PPP1R18: variants seen among roughly 807,000 people sequenced by gnomAD.
PPP1R18 encodes the protein protein phosphatase 1 regulatory subunit 18.
In PPP1R18, 31 loss-of-function variants were observed where a neutral mutation model predicts 54.8. The observed-to-expected ratio is 0.57, with a 90% CI of 0.43 to 0.76. The LOEUF (loss-of-function observed/expected upper bound fraction) is 0.76, where lower values mean the gene tolerates loss of function less well. PPP1R18 is among the 30% of genes least tolerant of loss of function. The pLI is 0.00. For synonymous variants in PPP1R18, 310 were observed against 320.2 expected (o/e 0.97, Z 0.34); for missense variants, 685 against 776.1 (o/e 0.88, Z 1.39).
At chr6:30,678,240 T>C (rs1297181986) in intron 2 of PPP1R18, among the ~76,000 whole-genome samples, 1 of 147,802 alleles carries the variant, frequency 6.8e-6, no homozygotes, top group Non-Finnish European at 1.5e-5. Context: ...AGGTCTTCCT[T>C]TGTTGCCCAG....
chr6:30,678,158 G>A (rs1233035331), intron 2 of PPP1R18, among the ~76,000 whole-genome samples: 2 of 151,946 alleles, frequency 1.3e-5, no homozygotes, highest in African/African-American at 2.4e-5. Flanking sequence ...TGATCCACCT[G>A]CCTCGGCCTC....
At chr6:30,682,878 C>T (rs936680119) in intron 1 of PPP1R18, among the ~76,000 whole-genome samples, 2 of 152,142 alleles carry the variant, frequency 1.3e-5, no homozygotes, top group African/African-American at 4.8e-5. Flanking sequence ...TTCATGCTTC[C>T]CTCTGCTCAT....
intron 2 of PPP1R18, among the ~76,000 whole-genome samples, 171 bp from the exon 3 acceptor site, chr6:30,677,459 G>A (rs772881009): frequency 7.9e-5 from 12 of 151,932 alleles, no homozygotes; most frequent in Non-Finnish European, 1.6e-4. Flanking sequence ...CATTTAGCTC[G>A]GACTCTGTGC....
rs1770381570 is a variant in PPP1R18, at chr6:30,679,190, G to T, written c.1811C>A (p.Ala604Asp). The T allele has an allele frequency of 6.3e-7, 1 of 1,593,188 alleles. No individual in the cohort carries two copies. Among genetic ancestry groups the T allele is most frequent in the Non-Finnish European group, 8.5e-7 (1 of 1,174,578 alleles). Residue 604 changes from alanine to aspartate, a missense_variant, in exon 2 of 3, where the codon GCC becomes GAC. By Grantham distance (126) the Ala-to-Asp change is moderately radical. Transcript: ENST00000274853. ...GAGCCTCCGCTTACCCACAATCAGG[G>T]CCTTGGTGCGCAGCCCGCCCTGGAG... ...PELQGGLRTK[A>D]LIVDESCRR
At position 30,684,906 on chromosome 6, in the gene PPP1R18, C is replaced by G; in HGVS notation, c.1113G>C (p.Val371=). Reference sequence around the variant, plus strand: ...TCTCAGCCTCCCCTTCTCCAGCCTCCACACCGGGAGATTCCAGAAGCTTCT... The same window carrying G: ...TCTCAGCCTCCCCTTCTCCAGCCTCGACACCGGGAGATTCCAGAAGCTTCT... ...SAEKLLESPG[V]EAGEGEAEKE... Residue 371 remains valine, a synonymous_variant, in exon 1 of 3, where the codon GTG becomes GTC. Coordinates refer to ENST00000274853, the MANE Select transcript of PPP1R18 (RefSeq NM_133471.4). The surrounding 1 kb of genome is among the most constrained non-coding windows in gnomAD (Gnocchi z 6.0). 1.2e-6 allele frequency: 2 copies of G among 1,613,036 alleles called. No homozygotes were observed. Among genetic ancestry groups the G allele is most frequent in the Middle Eastern group, 3.3e-4 (2 of 6,062 alleles).
rs377611604 is a variant in PPP1R18 at position 30,685,985 on chromosome 6, G to A, written c.34C>T (p.Leu12=). Residue 12 remains leucine, a synonymous_variant, in exon 1 of 3, where the codon CTA becomes TTA. Transcript: ENST00000274853. The surrounding 1 kb of genome is among the most constrained non-coding windows in gnomAD (Gnocchi z 5.0). The part of the protein sequence containing the change: ...ATIPDWKLQL[L]ARRRQEEASV... ...GCCTCCTCCTGCCGGCGCCGGGCTA[G>A]CAGCTGTAGCTTCCAGTCTGGGATG... 5.0e-6 allele frequency: 8 copies of A among 1,589,372 alleles called. No individual in the cohort carries two copies. The highest frequency in any genetic ancestry group is 6.8e-6 in the Non-Finnish European group (8 of 1,173,232).
At chr6:30,682,724 G>A (rs1258837084) in intron 1 of PPP1R18, among the ~76,000 whole-genome samples, 3 of 150,078 alleles carry the variant, frequency 2.0e-5, no homozygotes, top group Non-Finnish European at 4.4e-5. Context: ...CCAGCCTTCC[G>A]GCCCCCACCC....
rs1401002222 is a variant in PPP1R18 at position 30,685,672 on chromosome 6, G to A, written c.347C>T (p.Pro116Leu). ...EELLAERKPG[P>L]LEARERRPSP... ...GGGTCTCCGCTCCCGGGCCTCCAGA[G>A]GCCCAGGCTTTCTCTCTGCTAGCAG... The change falls in exon 1 of 3, where the codon CCT (proline) becomes CTT (leucine). Residue 116 changes from proline (P) to leucine (L), a missense_variant. Physicochemically the swap from Pro to Leu is moderately conservative, Grantham distance 98. Coordinates refer to ENST00000274853, the MANE Select transcript of PPP1R18 (RefSeq NM_133471.4). This position sits in a 1 kb window ranked among gnomAD's most constrained non-coding sequence, Gnocchi z 5.0. 4 of 1,613,082 alleles carry A rather than the reference G, an allele frequency of 2.5e-6. No individual in the cohort carries two copies. The highest frequency in any genetic ancestry group is 3.4e-6 in the Non-Finnish European group (4 of 1,180,020).
intron 2 of PPP1R18, among the ~76,000 whole-genome samples, chr6:30,678,762 C>A (rs1212987020): frequency 1.3e-5 from 2 of 152,060 alleles, no homozygotes; most frequent in Non-Finnish European, 2.9e-5. Context: ...TGGGCTCAAG[C>A]GATCCACCCG....
chr6:30,686,022 C>A lies in PPP1R18; in HGVS notation c.-4G>T, dbSNP rs371354706. The stretch of plus-strand genomic sequence containing the variant: ...TCCAGTCTGGGATGGTGGCCATGGT[C>A]GTCTTGAGGTGAGGGTAGGGAGCAC... On this transcript the variant is annotated 5_prime_UTR_variant, in exon 1 of 3. Transcript: ENST00000274853. 46 of 1,556,190 alleles carry A rather than the reference C, an allele frequency of 3.0e-5. No individual in the cohort carries two copies. The African/African-American group carries it at 5.2e-4, about 18-fold the overall frequency.
In PPP1R18 at chr6:30,684,522, C is replaced by A; in HGVS notation, c.1497G>T (p.Pro499=). The A allele has an allele frequency of 1.2e-6, 2 of 1,612,578 alleles. No homozygotes were observed. The highest frequency in any genetic ancestry group is 1.7e-6 in the Non-Finnish European group (2 of 1,179,810). Residue 499 remains proline (P), a synonymous_variant, in exon 1 of 3, where the codon CCG becomes CCT. Coordinates refer to ENST00000274853, the MANE Select transcript of PPP1R18 (RefSeq NM_133471.4). The surrounding 1 kb of genome is among the most constrained non-coding windows in gnomAD (Gnocchi z 6.0). ...TSPATVDAAV[P]GAGKKRYPTA... ...TTGGGTACCGCTTCTTCCCAGCCCC[C>A]GGGACTGCAGCATCAACTGTGGCTG...
At position 30,677,277 on chromosome 6, in the gene PPP1R18, G is replaced by A. The variant is rs749294729; in HGVS notation, c.1834C>T (p.Arg612Trp). The A allele has an allele frequency of 1.7e-5, 27 of 1,602,654 alleles. No individual in the cohort carries two copies. Among genetic ancestry groups the A allele is most frequent in the East Asian group, 1.6e-4 (7 of 44,012 alleles). ...CCTATGTTGGAAGATGGTCACCGCC[G>A]GCAGGACTCATCTGTGGGAGAGGGG... Reference protein sequence around the residue: ...TKALIVDESCRR With the variant: ...TKALIVDESCWR Residue 612 changes from arginine (R) to tryptophan (W), a missense_variant, in exon 3 of 3, where the codon CGG becomes TGG. Transcript: ENST00000274853.
intron 1 of PPP1R18, among the ~76,000 whole-genome samples, chr6:30,680,716 A>G (rs937478479): frequency 1.3e-5 from 2 of 152,126 alleles, no homozygotes; most frequent in Non-Finnish European, 2.9e-5. Context: ...ATGGGAAGGT[A>G]GAACTCAGGA....
Position 30,679,381 on chromosome 6 carries a change from G to A in PPP1R18, c.1620C>T (p.Ile540=). ...TCTCCAGGGCTGTCTCGCTGAAGGA[G>A]ATCTTAAGCTGAAGGAGGGAGAAAA... The part of the protein sequence containing the change: ...SPERHHKQLK[I]SFSETALETT... The change falls in exon 2 of 3, where the codon ATC becomes ATT. Residue 540 remains isoleucine (I), a synonymous_variant. Coordinates refer to ENST00000274853, the MANE Select transcript of PPP1R18 (RefSeq NM_133471.4). The A allele has an allele frequency of 6.4e-7, 1 of 1,558,130 alleles. No individual in the cohort carries two copies. The highest frequency in any genetic ancestry group is 1.1e-5 in the South Asian group (1 of 88,768).
In PPP1R18 at chr6:30,685,103, T is replaced by A. The variant is rs1460001894; in HGVS notation, c.916A>T (p.Asn306Tyr). Residue 306 changes from asparagine (N) to tyrosine (Y), a missense_variant, in exon 1 of 3, where the codon AAC (asparagine) becomes TAC (tyrosine). Asn to Tyr is a moderately radical substitution (Grantham distance 143, BLOSUM62 -2). Transcript: ENST00000274853. This position sits in a 1 kb window ranked among gnomAD's most constrained non-coding sequence, Gnocchi z 5.0. The part of the protein sequence containing the change: ...SETLTREAQG[N>Y]SSAGVEAAEQ... ...GCTGCCTCCACTCCTGCGGAACTGT[T>A]GCCTTGGGCCTCCCTTGTCAGGGTC... is the stretch of plus-strand genomic sequence containing the variant. The A allele has an allele frequency of 4.3e-6, 7 of 1,613,124 alleles. No homozygotes were observed. Among genetic ancestry groups the A allele is most frequent in the Non-Finnish European group, 5.9e-6 (7 of 1,180,036 alleles).
chr6:30,677,095 G>A lies in PPP1R18; in HGVS notation c.*174C>T. The stretch of plus-strand genomic sequence containing the variant: ...ACACCAGGGACTTTGGATTAGGGTA[G>A]AAATTGGGCAATTGGCTCTGCCCCC... On this transcript the variant is annotated 3_prime_UTR_variant, in exon 3 of 3. Coordinates refer to ENST00000274853, the MANE Select transcript of PPP1R18 (RefSeq NM_133471.4). 1.4e-6 allele frequency: 1 copy of A among 728,724 alleles called. No individual in the cohort carries two copies. The highest frequency in any genetic ancestry group is 2.5e-6 in the Non-Finnish European group (1 of 398,224). The allele number at this position is 728,724 out of a possible 1,614,324, so 45.1% of individuals were successfully genotyped here. A position where few individuals can be genotyped will look rare whatever the true frequency, so the allele number is the denominator to read the frequency against.
rs969597322 is a variant in PPP1R18, at chr6:30,685,111, G to C, written c.908C>G (p.Ala303Gly). The C allele has an allele frequency of 1.2e-6, 2 of 1,613,014 alleles. No homozygotes were observed. Among genetic ancestry groups the C allele is most frequent in the Non-Finnish European group, 1.7e-6 (2 of 1,180,018 alleles). Residue 303 changes from alanine (A) to glycine (G), a missense_variant, in exon 1 of 3, where the codon GCC (alanine) becomes GGC (glycine). By Grantham distance (60) the Ala-to-Gly change is moderately conservative. Coordinates refer to ENST00000274853, the MANE Select transcript of PPP1R18 (RefSeq NM_133471.4). This position sits in a 1 kb window ranked among gnomAD's most constrained non-coding sequence, Gnocchi z 5.0. Reference sequence around the variant, plus strand: ...CACTCCTGCGGAACTGTTGCCTTGGGCCTCCCTTGTCAGGGTCTCGGACAG... The same window carrying C: ...CACTCCTGCGGAACTGTTGCCTTGGCCCTCCCTTGTCAGGGTCTCGGACAG... The part of the protein sequence containing the change: ...AELSETLTRE[A>G]QGNSSAGVEA...
chr6:30,685,960 GCCT>G lies in PPP1R18; in HGVS notation c.56_58del (p.Glu19del). ...TGCTTTCTCTCGGCCTCGAACGGAC[GCCT>G]CCTCCTGCCGGCGCCGGGCTAGCAG... On this transcript the variant is annotated inframe_deletion, in exon 1 of 3. Coordinates refer to ENST00000274853, the MANE Select transcript of PPP1R18 (RefSeq NM_133471.4). The surrounding 1 kb of genome is among the most constrained non-coding windows in gnomAD (Gnocchi z 5.0). 1 of 1,600,232 alleles carries G rather than the reference GCCT, an allele frequency of 6.2e-7. No homozygotes were observed. Among genetic ancestry groups the G allele is most frequent in the Non-Finnish European group, 8.5e-7 (1 of 1,177,748 alleles).
Position 30,684,279 on chromosome 6 carries a change from T to A in PPP1R18, c.1611+129A>T. The stretch of plus-strand genomic sequence containing the variant: ...GGTGTATGTGCAGAGCGAGGAAGGG[T>A]GGTGGCAGGAATTAACAAGAAAGAA... On this transcript the variant is annotated intron_variant, in intron 1 of 2. Transcript: ENST00000274853. This position sits in a 1 kb window ranked among gnomAD's most constrained non-coding sequence, Gnocchi z 6.0. The A allele has an allele frequency of 1.1e-6, 1 of 881,252 alleles. No individual in the cohort carries two copies. Among genetic ancestry groups the A allele is most frequent in the East Asian group, 3.0e-5 (1 of 33,824 alleles). The allele number at this position is 881,252 out of a possible 1,614,324, so 54.6% of individuals were successfully genotyped here. A position where few individuals can be genotyped will look rare whatever the true frequency, so the allele number is the denominator to read the frequency against.
Sources: allele counts gnomAD v4.1 joint callset (sites outside exome capture counted in the v4.1 genomes callset), GRCh38; gene constraint gnomAD v4.1.1; non-coding constraint Gnocchi (gnomAD v3.1); transcripts MANE v1.5; gene names NCBI Gene and HGNC (gene_info 2026-07-23, HGNC 2026-07-21).